Variants in BANP observed in about 807,000 individuals in gnomAD.
BANP encodes BTG3 associated nuclear protein.
In BANP, 11 loss-of-function variants were observed where a neutral mutation model predicts 68.1. The observed-to-expected ratio is 0.16, with a 90% CI of 0.10 to 0.27. The LOEUF is 0.27. Ranked by LOEUF, BANP falls within the 10% of genes least tolerant of loss-of-function variation. The pLI, the probability that BANP is intolerant of heterozygous loss-of-function variation, is 1.00. For missense variants in BANP, 504 were observed against 722.7 expected (o/e 0.70, Z 3.47); for synonymous variants, 329 against 303.2 (o/e 1.09, Z -0.88).
intron 4 of BANP, among the ~76,000 whole-genome samples, chr16:87,998,813 G>T (rs1345822984): frequency 7.1e-6 from 1 of 141,040 alleles, no homozygotes; most frequent in East Asian, 2.1e-4. Context: ...TGTCCTTCCA[G>T]ACACGTCTCC....
At position 88,012,700 on chromosome 16, in the gene BANP, C is replaced by T. The variant is rs118024119; in HGVS notation, c.656-5728C>T. On this transcript the variant is annotated intron_variant, in intron 6 of 13. Coordinates refer to ENST00000682872, the MANE Select transcript of BANP (RefSeq NM_001386991.1). ...AGGACATTCATGGAAGTTAGGGCTT[C>T]GGTCTTGGACAACACACAGATAACA... 7.4e-4 allele frequency among the ~76,000 whole-genome samples: 113 copies of T among 152,290 alleles called. 1 individual carries two copies. In the East Asian group the frequency reaches 0.02, roughly 27 times the overall value.
At chr16:87,972,727 C>T (rs966716309) in intron 1 of BANP, among the ~76,000 whole-genome samples, 9 of 152,220 alleles carry the variant, frequency 5.9e-5, no homozygotes, top group Non-Finnish European at 2.9e-5. Flanking sequence ...GCTCTGTTCT[C>T]CCCTCCCACC....
chr16:87,982,946 G>A (rs1038677652), intron 3 of BANP, among the ~76,000 whole-genome samples: 185 of 152,160 alleles, frequency 1.2e-3, no homozygotes, highest in Non-Finnish European at 2.2e-3. Flanking sequence ...AGCCGTTCCG[G>A]CTCCAATGTG....
chr16:88,050,930 G>A (rs566341476), intron 11 of BANP, among the ~76,000 whole-genome samples: 4 of 152,044 alleles, frequency 2.6e-5, no homozygotes, highest in Admixed American at 6.5e-5. Context: ...CAAGCGATCC[G>A]CCTGCCTCAG....
chr16:87,961,878 C>A (rs941431543), intron 1 of BANP, among the ~76,000 whole-genome samples: 1 of 152,218 alleles, frequency 6.6e-6, no homozygotes, highest in African/African-American at 2.4e-5. Context: ...ATATCCCCAC[C>A]AGCAGGAAGG....
At chr16:87,972,357 G>A (rs1027770373) in intron 1 of BANP, among the ~76,000 whole-genome samples, 1 of 150,914 alleles carries the variant, frequency 6.6e-6, no homozygotes, top group Non-Finnish European at 1.5e-5. Flanking sequence ...TCTAATGCTG[G>A]TTTCTGGTTA....
intron 4 of BANP, among the ~76,000 whole-genome samples, chr16:87,995,314 CCT>C (rs1277058605): frequency 6.6e-6 from 1 of 152,158 alleles, no homozygotes; most frequent in Non-Finnish European, 1.5e-5. Context: ...CTGAGCAGCT[CCT>C]CTTTTTGTAA....
rs2152758237 is a variant in BANP at position 88,036,636 on chromosome 16, T to C, written c.1272+1242T>C. On this transcript the variant is annotated intron_variant, in intron 10 of 13. Transcript: ENST00000682872. This position sits in a 1 kb window ranked among gnomAD's most constrained non-coding sequence, Gnocchi z 4.2. Reference sequence around the variant, plus strand: ...TTCTGAGGGCGGAATGAGGATGAGGTGAAAGGGGAGGAACGAATTCATGTG... The same window carrying C: ...TTCTGAGGGCGGAATGAGGATGAGGCGAAAGGGGAGGAACGAATTCATGTG... 6.6e-6 allele frequency among the ~76,000 whole-genome samples: 1 copy of C among 150,598 alleles called. No homozygotes were observed. The highest frequency in any genetic ancestry group is 2.0e-4 in the East Asian group (1 of 5,100).
At chr16:88,062,009 A>G (rs2086953090) in intron 11 of BANP, among the ~76,000 whole-genome samples, 1 of 152,186 alleles carries the variant, frequency 6.6e-6, no homozygotes, top group Non-Finnish European at 1.5e-5. Flanking sequence ...GTGAACATCT[A>G]GATTTGAAAA....
chr16:88,019,560 C>T (rs1057227113), intron 7 of BANP, among the ~76,000 whole-genome samples: 1 of 87,166 alleles, frequency 1.1e-5, no homozygotes, highest in African/African-American at 3.3e-5. Flanking sequence ...GGGATCTCAG[C>T]GTGCGGGGGG....
At chr16:88,040,792 G>C (rs947722792) in intron 11 of BANP, among the ~76,000 whole-genome samples, 9 of 152,378 alleles carry the variant, frequency 5.9e-5, no homozygotes, top group African/African-American at 9.6e-5. Flanking sequence ...GCTTGTTCCA[G>C]GTGGTTGGGG....
At chr16:87,985,409 A>T (rs2064168997) in intron 4 of BANP, among the ~76,000 whole-genome samples, 1 of 152,132 alleles carries the variant, frequency 6.6e-6, no homozygotes, top group Non-Finnish European at 1.5e-5. Flanking sequence ...GTCTCCCCCC[A>T]GCAGGAGTTT....
At chr16:87,997,184 CCT>C (rs2067487925) in intron 4 of BANP, among the ~76,000 whole-genome samples, 1 of 152,184 alleles carries the variant, frequency 6.6e-6, no homozygotes, top group Non-Finnish European at 1.5e-5. Context: ...GTCTTGAACT[CCT>C]GGGCTCAAGC....
At chr16:87,986,445 G>T (rs1014666984) in intron 4 of BANP, among the ~76,000 whole-genome samples, 4 of 152,188 alleles carry the variant, frequency 2.6e-5, no homozygotes, top group Admixed American at 2.6e-4. Flanking sequence ...CCTTGAGGGT[G>T]CCTTGCTTGG....
intron 9 of BANP, among the ~76,000 whole-genome samples, 154 bp downstream of exon 9, chr16:88,033,399 G>A (rs1310933000): frequency 2.6e-5 from 4 of 152,192 alleles, no homozygotes; most frequent in Non-Finnish European, 4.4e-5. Flanking sequence ...AGAGGTCATC[G>A]TGGCCATGAG....
chr16:88,070,594 G>C (rs1167416363), intron 12 of BANP, among the ~76,000 whole-genome samples: 1 of 152,126 alleles, frequency 6.6e-6, no homozygotes, highest in African/African-American at 2.4e-5. Context: ...AAAGGACCAG[G>C]GGGGATGGGT....
Position 88,071,146 on chromosome 16 carries a change from T to G in BANP, c.1378-923T>G, listed in dbSNP as rs2090198270. The G allele has an allele frequency of 3.4e-6, 1 of 295,820 alleles. No individual in the cohort carries two copies. 18.3% of individuals were successfully genotyped at this position (295,820 alleles called of 1,614,324 possible). Reference sequence around the variant, plus strand: ...GCACCCTGCGACGGGCTGCTCCTCTTCCCAGGGCCACCGGTGAGACTCTCA... The same window carrying G: ...GCACCCTGCGACGGGCTGCTCCTCTGCCCAGGGCCACCGGTGAGACTCTCA... On this transcript the variant is annotated intron_variant, in intron 12 of 13. Transcript: ENST00000682872. This position sits in a 1 kb window ranked among gnomAD's most constrained non-coding sequence, Gnocchi z 6.5.
intron 6 of BANP, among the ~76,000 whole-genome samples, chr16:88,009,538 T>A (rs1305389082): frequency 6.6e-6 from 1 of 152,266 alleles, no homozygotes; most frequent in African/African-American, 2.4e-5. Flanking sequence ...TTTTTTTCAC[T>A]TAGGTAATTC....
chr16:87,973,323 A>G (rs896554193), intron 1 of BANP, among the ~76,000 whole-genome samples: 2 of 151,916 alleles, frequency 1.3e-5, no homozygotes, highest in African/African-American at 4.8e-5. Context: ...GTGTAAAGTT[A>G]TAATGTGGGA....
Sources: allele counts gnomAD v4.1 joint callset (sites outside exome capture counted in the v4.1 genomes callset), GRCh38; gene constraint gnomAD v4.1.1; non-coding constraint Gnocchi (gnomAD v3.1); transcripts MANE v1.5; gene names NCBI Gene and HGNC (gene_info 2026-07-23, HGNC 2026-07-21).